VGF: variants seen among roughly 807,000 people sequenced by gnomAD.
The protein encoded by VGF is VGF nerve growth factor inducible, also known as neurosecretory protein VGF.
A neutral mutation model predicts 41.1 loss-of-function variants in VGF; 13 were observed. The observed-to-expected ratio is 0.32, with a 90% CI of 0.21 to 0.50. The LOEUF (loss-of-function observed/expected upper bound fraction) is 0.50, where lower values mean the gene tolerates loss of function less well. VGF is among the 20% of genes least tolerant of loss of function. The probability of loss-of-function intolerance (pLI) is 0.98; values close to 1 mark genes in which losing one functional copy is unlikely to be tolerated. For missense variants in VGF, 920 were observed against 882.1 expected (o/e 1.04, Z -0.54); for synonymous variants, 473 against 418.3 (o/e 1.13, Z -1.60).
chr7:101,165,539 G>A lies in VGF; in HGVS notation c.-186C>T. 7.1e-6 allele frequency: 7 copies of A among 985,444 alleles called. No individual in the cohort carries two copies. Among genetic ancestry groups the A allele is most frequent in the Non-Finnish European group, 8.4e-6 (7 of 829,954 alleles). 61.0% of individuals were successfully genotyped at this position (985,444 alleles called of 1,614,324 possible). ...GCTCAGCTGGGTCGGCGCGGCTCCG[G>A]GCGGCTAGCTCGCTCCGGCTTCAGC... On this transcript the variant is annotated 5_prime_UTR_variant, in exon 1 of 2. Coordinates refer to ENST00000249330, the MANE Select transcript of VGF (RefSeq NM_003378.4).
chr7:101,168,771 G>T (rs984375313), upstream of VGF, among the ~76,000 whole-genome samples: 2 of 152,168 alleles, frequency 1.3e-5, no homozygotes, highest in East Asian at 3.9e-4. Flanking sequence ...TTTTCCCTGA[G>T]AAGGTCTGGG....
At position 101,163,386 on chromosome 7, in the gene VGF, G is replaced by A. The variant is rs576761795; in HGVS notation, c.1458C>T (p.Ala486=). The A allele has an allele frequency of 3.5e-5, 56 of 1,594,514 alleles. 1 individual carries two copies. In the East Asian group the frequency reaches 1.1e-3, roughly 33 times the overall value. ...VEEKRKRKKN[A]PPEPVPPPRA... Reference sequence around the variant, plus strand: ...GGGGGGGCGGCACGGGCTCGGGAGGGGCGTTCTTCTTCCGCTTCCGCTTCT... The same window carrying A: ...GGGGGGGCGGCACGGGCTCGGGAGGAGCGTTCTTCTTCCGCTTCCGCTTCT... Residue 486 remains alanine, a synonymous_variant, in exon 2 of 2, where the codon GCC becomes GCT. Coordinates refer to ENST00000249330, the MANE Select transcript of VGF (RefSeq NM_003378.4). The surrounding 1 kb of genome is among the most constrained non-coding windows in gnomAD (Gnocchi z 5.0).
rs775759343 is a variant in VGF at position 101,163,159 on chromosome 7, C to A, written c.1685G>T (p.Arg562Leu). ...CAAGGCGTGGTGGTAGTGGCGGCGG[C>A]GCAAGGCCGAGGGCGGCTGCAGTGT... ...PRTLQPPSALRRRHYHHALPP... is the reference protein window; with the variant it reads ...PRTLQPPSALLRRHYHHALPP... Residue 562 changes from arginine (R) to leucine (L), a missense_variant, in exon 2 of 2, where the codon CGC becomes CTC. Around this residue, in one of 3 missense-constraint regions of VGF, gnomAD observed 257 missense variants for 217.2 expected, o/e 1.18. Coordinates refer to ENST00000249330, the MANE Select transcript of VGF (RefSeq NM_003378.4). This position sits in a 1 kb window ranked among gnomAD's most constrained non-coding sequence, Gnocchi z 5.0. 6.4e-7 allele frequency: 1 copy of A among 1,573,670 alleles called. No individual in the cohort carries two copies.
chr7:101,164,459 G>T lies in VGF; in HGVS notation c.385C>A (p.Pro129Thr). ...GGAGCCGCGGGCTCCGGGCTCTCCG[G>T]CGCCGGGAGGCTGTGGGTCTGGCTG... The part of the protein sequence containing the change: ...VRSQTHSLPA[P>T]ESPEPAAPPR... Residue 129 changes from proline (P) to threonine (T), a missense_variant, in exon 2 of 2, where the codon CCG (proline) becomes ACG (threonine). Physicochemically the swap from Pro to Thr is conservative, Grantham distance 38 (BLOSUM62 -1). This residue lies in a region of VGF where 654 missense variants were observed against 638.4 expected (regional missense o/e 1.02). Coordinates refer to ENST00000249330, the MANE Select transcript of VGF (RefSeq NM_003378.4). 6.2e-7 allele frequency: 1 copy of T among 1,603,288 alleles called. No individual in the cohort carries two copies.
chr7:101,168,693 G>C (rs1273861672), upstream of VGF, among the ~76,000 whole-genome samples: 1 of 152,134 alleles, frequency 6.6e-6, no homozygotes, highest in East Asian at 1.9e-4. Flanking sequence ...GAGAAGATGG[G>C]GTCCAGCATC....
At position 101,164,569 on chromosome 7, in the gene VGF, C is replaced by G. The variant is rs1797185197; in HGVS notation, c.275G>C (p.Arg92Pro). The change falls in exon 2 of 2, where the codon CGT (arginine) becomes CCT (proline). Residue 92 changes from arginine to proline, a missense_variant. This residue lies in a region of VGF where 654 missense variants were observed against 638.4 expected (regional missense o/e 1.02). Transcript: ENST00000249330. ...LAAVLLQALD[R>P]PASPPAPSGS... The stretch of plus-strand genomic sequence containing the variant: ...GCTTGGTGCCGGGGGTGAGGCGGGA[C>G]GGTCGAGTGCCTGCAGCAGCACCGC... 6.3e-7 allele frequency: 1 copy of G among 1,599,454 alleles called. No individual in the cohort carries two copies. The highest frequency in any genetic ancestry group is 2.2e-5 in the East Asian group (1 of 44,572).
chr7:101,169,406 C>T (rs530372928), upstream of VGF, among the ~76,000 whole-genome samples: 3 of 152,260 alleles, frequency 2.0e-5, no homozygotes, highest in Non-Finnish European at 4.4e-5. Flanking sequence ...GAACCAGCCT[C>T]CTTCAACTTC....
At chr7:101,165,775 G>T (rs1797208909), upstream of VGF, among the ~76,000 whole-genome samples, 1 of 152,116 alleles carries the variant, frequency 6.6e-6, no homozygotes, top group Admixed American at 6.5e-5. Context: ...GTGCGCTAGC[G>T]GAGCTCCGGG....
upstream of VGF, among the ~76,000 whole-genome samples, chr7:101,166,515 TG>T (rs61657049): frequency 1.6e-3 from 205 of 132,150 alleles, no homozygotes; most frequent in African/African-American, 3.4e-3. Flanking sequence ...GTTGCGCAGG[TG>T]GGGGGGGGGT....
intron 1 of VGF, 182 bp downstream of exon 1, chr7:101,165,192 C>G: frequency 9.7e-7 from 1 of 1,027,166 alleles, no homozygotes; most frequent in South Asian, 4.6e-5. Flanking sequence ...TAGGACTCCC[C>G]GGATGGTGCG....
Position 101,165,467 on chromosome 7 carries a change from T to C in VGF, c.-114A>G. On this transcript the variant is annotated 5_prime_UTR_variant, in exon 1 of 2. Coordinates refer to ENST00000249330, the MANE Select transcript of VGF (RefSeq NM_003378.4). The stretch of plus-strand genomic sequence containing the variant: ...ACGCGTCCGCCTCGGCTCCGAGCGG[T>C]GGCCGGGGTAGGAGCGACGGTCGAG... 2.0e-6 allele frequency: 2 copies of C among 985,146 alleles called. No individual in the cohort carries two copies. Among genetic ancestry groups the C allele is most frequent in the Non-Finnish European group, 2.4e-6 (2 of 829,884 alleles). The allele number at this position is 985,146 out of a possible 1,614,324, so 61.0% of individuals were successfully genotyped here.
rs568959287 is a variant in VGF, at chr7:101,163,678, T to TCCGCCTCGG, written c.1157_1165dup (p.Ala386_Ala388dup). 5 of 1,537,590 alleles carry TCCGCCTCGG rather than the reference T, an allele frequency of 3.3e-6. 1 individual carries two copies. The African/African-American group carries it at 6.9e-5, about 21-fold the overall frequency. The stretch of plus-strand genomic sequence containing the variant: ...CCTCTCCGCCTCCTCCGCCTCTGCC[T>TCCGCCTCGG]CCGCCTCGGCCGCCTCCTCATCCTC... On this transcript the variant is annotated inframe_insertion, in exon 2 of 2. Coordinates refer to ENST00000249330, the MANE Select transcript of VGF (RefSeq NM_003378.4). This position sits in a 1 kb window ranked among gnomAD's most constrained non-coding sequence, Gnocchi z 5.0.
chr7:101,163,015 A>C lies in VGF; in HGVS notation c.1829T>G (p.Val610Gly). 6.5e-7 allele frequency: 1 copy of C among 1,526,812 alleles called. No individual in the cohort carries two copies. Among genetic ancestry groups the C allele is most frequent in the Non-Finnish European group, 8.8e-7 (1 of 1,140,224 alleles). 94.6% of individuals were successfully genotyped at this position (1,526,812 alleles called of 1,614,324 possible). The change falls in exon 2 of 2, where the codon GTG (valine) becomes GGG (glycine). Residue 610 changes from valine to glycine, a missense_variant. By Grantham distance (109) the Val-to-Gly change is moderately radical (BLOSUM62 -3). Transcript: ENST00000249330. The surrounding 1 kb of genome is among the most constrained non-coding windows in gnomAD (Gnocchi z 5.0). ...GGGCAGTCACGGGCGCCGGAGCAGC[A>C]CGTGCTCGATGTAATTCTCCAGCTC... is the stretch of plus-strand genomic sequence containing the variant. ...QEELENYIEH[V>G]LLRRP
Position 101,163,029 on chromosome 7 carries a change from A to G in VGF, c.1815T>C (p.Asn605=), listed in dbSNP as rs1370923708. The change falls in exon 2 of 2, where the codon AAT becomes AAC. Residue 605 remains asparagine (N), a synonymous_variant. Transcript: ENST00000249330. This position sits in a 1 kb window ranked among gnomAD's most constrained non-coding sequence, Gnocchi z 5.0. ...RRLQEQEELE[N]YIEHVLLRRP ...GCCGGAGCAGCACGTGCTCGATGTA[A>G]TTCTCCAGCTCCTCCTGCTCCTGCA... The G allele has an allele frequency of 6.4e-7, 1 of 1,557,180 alleles. No individual in the cohort carries two copies. The highest frequency in any genetic ancestry group is 1.9e-5 in the Admixed American group (1 of 53,014).
In VGF at chr7:101,165,485, C is replaced by T. The variant is rs1797202921; in HGVS notation, c.-132G>A. ...CGAGCGGTGGCCGGGGTAGGAGCGA[C>T]GGTCGAGGTCTGGCGTCCCGTGGGC... On this transcript the variant is annotated 5_prime_UTR_variant, in exon 1 of 2. Transcript: ENST00000249330. 1 of 985,412 alleles carries T rather than the reference C, an allele frequency of 1.0e-6. No individual in the cohort carries two copies. The highest frequency in any genetic ancestry group is 1.2e-6 in the Non-Finnish European group (1 of 829,948). 61.0% of individuals were successfully genotyped at this position (985,412 alleles called of 1,614,324 possible).
intron 1 of VGF, 140 bp from the exon 2 acceptor site, chr7:101,165,003 A>G: frequency 7.3e-7 from 1 of 1,371,090 alleles, no homozygotes; most frequent in Non-Finnish European, 9.4e-7. Flanking sequence ...AGGAACGTTT[A>G]GGAGCAAAGG....
chr7:101,166,516 G>GT (rs377537551), upstream of VGF, among the ~76,000 whole-genome samples: 3 of 48,800 alleles, frequency 6.1e-5, no homozygotes, highest in African/African-American at 4.7e-4. Context: ...TTGCGCAGGT[G>GT]GGGGGGGGGT....
Position 101,163,278 on chromosome 7 carries a change from G to A in VGF, c.1566C>T (p.Asp522=). The change falls in exon 2 of 2, where the codon GAC becomes GAT. Residue 522 remains aspartate, a synonymous_variant. Transcript: ENST00000249330. This position sits in a 1 kb window ranked among gnomAD's most constrained non-coding sequence, Gnocchi z 5.0. Reference sequence around the variant, plus strand: ...CCCAGGGCGGGAGCACCTCGTTCCAGTCCGGCAGCTCGTCTCGTGCGGGAG... The same window carrying A: ...CCCAGGGCGGGAGCACCTCGTTCCAATCCGGCAGCTCGTCTCGTGCGGGAG... ...APAPARDELP[D]WNEVLPPWDR... is the part of the protein sequence containing the mutation. The A allele has an allele frequency of 6.7e-7, 1 of 1,502,898 alleles. No homozygotes were observed. Among genetic ancestry groups the A allele is most frequent in the East Asian group, 2.4e-5 (1 of 42,130 alleles). 93.1% of individuals were successfully genotyped at this position (1,502,898 alleles called of 1,614,324 possible).
intron 1 of VGF, 36 bp from the exon 2 acceptor site, chr7:101,164,899 T>A: frequency 6.7e-7 from 1 of 1,495,536 alleles, no homozygotes; most frequent in South Asian, 1.4e-5. Context: ...AGAGGATTTC[T>A]GTAAGAATTC....
Sources: gnomAD v4.1 joint callset for allele counts (sites outside exome capture counted in the v4.1 genomes callset) on GRCh38, gnomAD v4.1.1 for gene constraint, gnomAD v4.1.1 regional missense constraint, Gnocchi (gnomAD v3.1) non-coding constraint, MANE v1.5 for transcripts, NCBI Gene and HGNC (gene_info 2026-07-23, HGNC 2026-07-21) for gene names.